Variants in SAP130 observed in about 807,000 individuals in gnomAD.
SAP130 encodes Sin3A associated protein 130.
SAP130 carries 16 observed loss-of-function variants against 103.2 expected under a neutral mutation model. That is an observed-to-expected ratio of 0.16 (90% CI 0.10 to 0.24). SAP130 has a LOEUF of 0.24. SAP130 is among the 10% of genes least tolerant of loss of function. The pLI is 1.00. For synonymous variants in SAP130, 477 were observed against 497.0 expected, an observed-to-expected ratio of 0.96 and a Z score of 0.53; for missense variants, 990 against 1,359.7, an observed-to-expected ratio of 0.73 and a Z score of 4.28.
intron 15 of SAP130, among the ~76,000 whole-genome samples, chr2:127,975,652 G>C (rs772209000): frequency 1.3e-5 from 2 of 152,192 alleles, no homozygotes; most frequent in African/African-American, 2.4e-5. Context: ...ATGAATTACT[G>C]CTAGTGAAGG....
chr2:128,016,924 A>C (rs1407294134), intron 3 of SAP130, among the ~76,000 whole-genome samples: 1 of 152,232 alleles, frequency 6.6e-6, no homozygotes, highest in Non-Finnish European at 1.5e-5. Flanking sequence ...GGTAATACAC[A>C]GGCAATATTC....
chr2:127,977,087 G>T (rs941310361), intron 15 of SAP130, among the ~76,000 whole-genome samples: 1 of 152,064 alleles, frequency 6.6e-6, no homozygotes, highest in Non-Finnish European at 1.5e-5. Flanking sequence ...TGGCAATGTG[G>T]GTAGAGAATG....
At chr2:127,975,922 G>A (rs569477274) in intron 15 of SAP130, among the ~76,000 whole-genome samples, 1 of 152,288 alleles carries the variant, frequency 6.6e-6, no homozygotes, top group East Asian at 1.9e-4. Context: ...TTGGCTCACT[G>A]CAAGCTCCGC....
At chr2:127,962,986 A>G (rs1249762524) in intron 15 of SAP130, among the ~76,000 whole-genome samples, 1 of 150,868 alleles carries the variant, frequency 6.6e-6, no homozygotes, top group Non-Finnish European at 1.5e-5. Context: ...CTGAATAAAA[A>G]TAAATTGTAT....
chr2:128,005,829 C>T (rs1398468638), intron 7 of SAP130, among the ~76,000 whole-genome samples: 4 of 151,838 alleles, frequency 2.6e-5, no homozygotes, highest in Admixed American at 2.6e-4. Flanking sequence ...AGGGTTTCAC[C>T]ATGTTGGCCA....
chr2:127,950,109 C>T, intron 17 of SAP130, 51 bp downstream of exon 17: 2 of 1,611,392 alleles, frequency 1.2e-6, no homozygotes, highest in Non-Finnish European at 1.7e-6. Flanking sequence ...CTGGGTTGGA[C>T]TCTGACTTTA....
In SAP130 at chr2:128,022,732, T is replaced by C. The variant is rs187537781; in HGVS notation, c.112+3449A>G. Among the ~76,000 whole-genome samples, 3 of 152,358 alleles carry C rather than the reference T, an allele frequency of 2.0e-5. No homozygotes were observed. In the East Asian group the frequency reaches 5.8e-4, roughly 29 times the overall value. On this transcript the variant is annotated intron_variant, in intron 2 of 20. Transcript: ENST00000643581. Reference sequence around the variant, plus strand: ...TAATAATGGTGAGCATCTTCTCATGTGCTTCTTTGGCACTTATCTAGCTCT... The same window carrying C: ...TAATAATGGTGAGCATCTTCTCATGCGCTTCTTTGGCACTTATCTAGCTCT...
intron 2 of SAP130, among the ~76,000 whole-genome samples, chr2:128,023,682 A>G (rs1184290793): frequency 6.6e-6 from 1 of 152,146 alleles, no homozygotes; most frequent in Non-Finnish European, 1.5e-5. Context: ...CAGGAGGCTG[A>G]GGCAGAATGG....
At chr2:127,977,859 AG>A (rs1681581620) in intron 15 of SAP130, 125 bp downstream of exon 15, 1 of 701,330 alleles carries the variant, frequency 1.4e-6, no homozygotes, top group African/African-American at 1.8e-5. Flanking sequence ...GGCTGAGAAT[AG>A]CCACTGCACT....
intron 19 of SAP130, among the ~76,000 whole-genome samples, chr2:127,944,841 G>C (rs529041581): frequency 6.8e-6 from 1 of 147,332 alleles, no homozygotes; most frequent in African/African-American, 2.5e-5. Context: ...GATCATGGCT[G>C]TAGTAAGCCA....
At chr2:128,004,574 A>T (rs897017357) in intron 7 of SAP130, among the ~76,000 whole-genome samples, 3 of 152,004 alleles carry the variant, frequency 2.0e-5, no homozygotes, top group Admixed American at 1.3e-4. Context: ...ATACTCCAAA[A>T]TGAGGAGCAT....
At chr2:128,027,278 T>C (rs1685582087) in intron 1 of SAP130, 3 of 1,146,578 alleles carry the variant, frequency 2.6e-6, no homozygotes, top group South Asian at 8.9e-5. Flanking sequence ...CGGCCGCCGC[T>C]GTGCTCGCAG....
intron 15 of SAP130, among the ~76,000 whole-genome samples, chr2:127,959,416 A>C (rs1172807260): frequency 6.6e-6 from 1 of 152,222 alleles, no homozygotes; most frequent in African/African-American, 2.4e-5. Flanking sequence ...GCAAAGGCTG[A>C]GAAGAGTCTA....
intron 15 of SAP130, among the ~76,000 whole-genome samples, chr2:127,973,174 C>T (rs1286729975): frequency 1.3e-5 from 2 of 152,174 alleles, no homozygotes; most frequent in Non-Finnish European, 2.9e-5. Flanking sequence ...GCTTACAATT[C>T]CCAAATCTCT....
At position 128,002,213 on chromosome 2, in the gene SAP130, G is replaced by T. The variant is rs541941113; in HGVS notation, c.870-1759C>A. The stretch of plus-strand genomic sequence containing the variant: ...ATTATAGGCATGAGCCAATGTGCCC[G>T]GCCAAAACTTTTTAATTAACATAAG... On this transcript the variant is annotated intron_variant, in intron 7 of 20. Transcript: ENST00000643581. Among the ~76,000 whole-genome samples, 5 of 152,240 alleles carry T rather than the reference G, an allele frequency of 3.3e-5. No individual in the cohort carries two copies. In the South Asian group the frequency reaches 1.0e-3, roughly 32 times the overall value.
At chr2:128,021,230 C>T (rs1685131732) in intron 2 of SAP130, among the ~76,000 whole-genome samples, 1 of 152,028 alleles carries the variant, frequency 6.6e-6, no homozygotes, top group African/African-American at 2.4e-5. Context: ...GGGCGGATCA[C>T]AAAGTCAGGA....
intron 15 of SAP130, among the ~76,000 whole-genome samples, chr2:127,976,085 A>C (rs1001960601): frequency 6.6e-6 from 1 of 152,164 alleles, no homozygotes; most frequent in African/African-American, 2.4e-5. Flanking sequence ...TGACCTTGTG[A>C]TCTGCCCGCC....
chr2:127,977,926 C>G, intron 15 of SAP130, 59 bp downstream of exon 15: 1 of 1,264,994 alleles, frequency 7.9e-7, no homozygotes, highest in Non-Finnish European at 1.1e-6. Flanking sequence ...ATTAGACTCT[C>G]CCCAACTGCA....
intron 14 of SAP130, among the ~76,000 whole-genome samples, chr2:127,982,326 T>C (rs1340234805): frequency 6.6e-6 from 1 of 152,088 alleles, no homozygotes; most frequent in Non-Finnish European, 1.5e-5. Flanking sequence ...GGAGAAGAAC[T>C]AGAGCATCAT....
Sources: allele counts gnomAD v4.1 joint callset (sites outside exome capture counted in the v4.1 genomes callset), GRCh38; gene constraint gnomAD v4.1.1; transcripts MANE v1.5; gene names NCBI Gene and HGNC (gene_info 2026-07-23, HGNC 2026-07-21).